Variants in AP2A2 observed in about 807,000 individuals in gnomAD.
The protein encoded by AP2A2 is AP-2 complex subunit alpha-2.
A neutral mutation model predicts 104.2 loss-of-function variants in AP2A2; 32 were observed. The observed-to-expected ratio is 0.31, with a 90% CI of 0.23 to 0.41. AP2A2 has a LOEUF of 0.41. AP2A2 is among the 10% of genes least tolerant of loss of function. The probability of loss-of-function intolerance (pLI) is 1.00; values close to 1 mark genes in which losing one functional copy is unlikely to be tolerated. For missense variants in AP2A2, 912 were observed against 1,261.0 expected (o/e 0.72, Z 4.19); for synonymous variants, 539 against 533.3 (o/e 1.01, Z -0.15).
chr11:1,002,314 C>T (rs1423206382), intron 15 of AP2A2, among the ~76,000 whole-genome samples: 3 of 152,236 alleles, frequency 2.0e-5, no homozygotes, highest in African/African-American at 4.8e-5. Flanking sequence ...CCGCCTCGGC[C>T]GGCTCCTCCT....
At position 977,241 on chromosome 11, in the gene AP2A2, T is replaced by G. The variant is rs1348771584; in HGVS notation, c.603+17T>G. 1.3e-6 allele frequency: 2 copies of G among 1,570,120 alleles called. No homozygotes were observed. Among genetic ancestry groups the G allele is most frequent in the Admixed American group, 1.8e-5 (1 of 56,726 alleles). On this transcript the variant is annotated intron_variant, in intron 5 of 21. Coordinates refer to ENST00000448903, the MANE Select transcript of AP2A2 (RefSeq NM_012305.4). Reference sequence around the variant, plus strand: ...CAGCACTTGGTAAGCACCCTTGGCTTTGGTTCTCCCCGCTCCCCCAGGTGA... The same window carrying G: ...CAGCACTTGGTAAGCACCCTTGGCTGTGGTTCTCCCCGCTCCCCCAGGTGA...
intron 2 of AP2A2, among the ~76,000 whole-genome samples, chr11:965,693 G>A (rs759420625): frequency 6.6e-6 from 1 of 152,230 alleles, no homozygotes; most frequent in Non-Finnish European, 1.5e-5. Context: ...CTGACCTGCA[G>A]ACGCATGGGC....
At chr11:958,405 A>G (rs1234709214) in intron 1 of AP2A2, among the ~76,000 whole-genome samples, 3 of 152,196 alleles carry the variant, frequency 2.0e-5, no homozygotes, top group Non-Finnish European at 2.9e-5. Flanking sequence ...ACATTCCATC[A>G]TTTTATGACC....
intron 4 of AP2A2, 28 bp downstream of exon 4, chr11:972,283 T>G: frequency 6.5e-7 from 1 of 1,539,642 alleles, no homozygotes; most frequent in African/African-American, 1.4e-5. Context: ...GCCGGGCTCC[T>G]GCTGAAGATG....
rs1459154498 is a variant in AP2A2 at position 968,490 on chromosome 11, G to A, written c.137-1679G>A. Among the ~76,000 whole-genome samples, 1 of 152,144 alleles carries A rather than the reference G, an allele frequency of 6.6e-6. No individual in the cohort carries two copies. The highest frequency in any genetic ancestry group is 1.5e-5 in the Non-Finnish European group (1 of 68,034). ...TGTCCCACAAAACTCAGCCCAGTCGGGCCGCTGGTCCTCTCCCCTGTCAGT... is the reference window on the plus strand; with the variant it reads ...TGTCCCACAAAACTCAGCCCAGTCGAGCCGCTGGTCCTCTCCCCTGTCAGT... On this transcript the variant is annotated intron_variant, in intron 2 of 21. Coordinates refer to ENST00000448903, the MANE Select transcript of AP2A2 (RefSeq NM_012305.4). The surrounding 1 kb of genome is among the most constrained non-coding windows in gnomAD (Gnocchi z 4.2).
At chr11:951,394 G>T (rs1282496632) in intron 1 of AP2A2, among the ~76,000 whole-genome samples, 2 of 152,074 alleles carry the variant, frequency 1.3e-5, no homozygotes, top group African/African-American at 4.8e-5. Flanking sequence ...GGGCGTAGTG[G>T]CAGGCGCCTG....
At chr11:1,008,458 A>G in intron 18 of AP2A2, 1 of 312,392 alleles carries the variant, frequency 3.2e-6, no homozygotes, top group Non-Finnish European at 5.9e-6. Context: ...GCTTGGTACC[A>G]GACGACAGCT....
At chr11:1,006,792 A>G (rs1856223002) in intron 17 of AP2A2, 175 bp downstream of exon 17, 1 of 587,372 alleles carries the variant, frequency 1.7e-6, no homozygotes, top group African/African-American at 1.9e-5. Flanking sequence ...GAGAAGGAAA[A>G]CAGGCAGTCT....
intron 6 of AP2A2, among the ~76,000 whole-genome samples, chr11:984,332 A>G (rs1211223731): frequency 6.6e-6 from 1 of 152,090 alleles, no homozygotes; most frequent in Admixed American, 6.6e-5. Flanking sequence ...TGAGGAGGCT[A>G]AAGCTCTCTC....
At chr11:989,932 TG>T (rs1409370328) in intron 10 of AP2A2, among the ~76,000 whole-genome samples, 1 of 152,180 alleles carries the variant, frequency 6.6e-6, no homozygotes, top group East Asian at 1.9e-4. Flanking sequence ...TTGGGCGAAG[TG>T]CGGCTCAAGG....
intron 1 of AP2A2, among the ~76,000 whole-genome samples, chr11:952,911 G>T (rs1478061209): frequency 6.6e-6 from 1 of 152,222 alleles, no homozygotes; most frequent in South Asian, 2.1e-4. Flanking sequence ...ATGGAGATCA[G>T]TGCAGTGTCA....
At chr11:1,003,560 G>A (rs1311621940) in intron 15 of AP2A2, 162 bp from the exon 16 acceptor site, 2 of 511,336 alleles carry the variant, frequency 3.9e-6, no homozygotes, top group Non-Finnish European at 3.5e-6. Context: ...TCCAGTGGCT[G>A]TTTGTCAGGA....
rs1414835753 is a variant in AP2A2 at position 993,609 on chromosome 11, G to A, written c.1551-145G>A. 7.5e-6 allele frequency: 5 copies of A among 665,256 alleles called. No individual in the cohort carries two copies. Among genetic ancestry groups the A allele is most frequent in the Non-Finnish European group, 1.0e-5 (4 of 396,232 alleles). 41.2% of individuals were successfully genotyped at this position (665,256 alleles called of 1,614,324 possible). The stretch of plus-strand genomic sequence containing the variant: ...GACTTAGTGAAAGGGGCGTCTTTGC[G>A]GTGGGATCTGGAGCTGGAAGAGGGT... On this transcript the variant is annotated intron_variant, in intron 12 of 21. Coordinates refer to ENST00000448903, the MANE Select transcript of AP2A2 (RefSeq NM_012305.4). The surrounding 1 kb of genome is among the most constrained non-coding windows in gnomAD (Gnocchi z 8.2).
At chr11:982,778 G>A (rs1181236107) in intron 6 of AP2A2, among the ~76,000 whole-genome samples, 1 of 151,480 alleles carries the variant, frequency 6.6e-6, no homozygotes, top group Non-Finnish European at 1.5e-5. Context: ...AGCCTCCCGA[G>A]TAGCTGGGAT....
chr11:938,798 C>T (rs1853550778), intron 1 of AP2A2, among the ~76,000 whole-genome samples: 1 of 152,080 alleles, frequency 6.6e-6, no homozygotes, highest in Non-Finnish European at 1.5e-5. Context: ...TTTTTACAGA[C>T]TCCTTCTGTG....
At chr11:939,893 A>T (rs1054788329) in intron 1 of AP2A2, among the ~76,000 whole-genome samples, 2 of 151,054 alleles carry the variant, frequency 1.3e-5, no homozygotes, top group Non-Finnish European at 2.9e-5. Flanking sequence ...TAACAGTTCA[A>T]CTTTTGGGTC....
rs560036913 is a variant in AP2A2 at position 983,894 on chromosome 11, G to C, written c.706-751G>C. The stretch of plus-strand genomic sequence containing the variant: ...CTTTGTGTTTGTGCCTTTCAGCCTT[G>C]TCTTTGACAGCCTAGAGCTTGCCTC... On this transcript the variant is annotated intron_variant, in intron 6 of 21. Transcript: ENST00000448903. Among the ~76,000 whole-genome samples, 19 of 152,274 alleles carry C rather than the reference G, an allele frequency of 1.2e-4. No individual in the cohort carries two copies. In the South Asian group the frequency reaches 3.7e-3, roughly 30 times the overall value.
chr11:969,826 C>T (rs1407763019), intron 2 of AP2A2, among the ~76,000 whole-genome samples: 3 of 152,220 alleles, frequency 2.0e-5, no homozygotes, highest in African/African-American at 7.2e-5. Flanking sequence ...TCCATCACAG[C>T]AGGGCCCTCT....
In AP2A2 at chr11:959,494, C is replaced by A. The variant is rs1854356466; in HGVS notation, c.125C>A (p.Ser42Ter). Residue 42 changes from serine to a stop codon, truncating the protein, a stop_gained, in exon 2 of 22, where the codon TCA becomes TAA. Coordinates refer to ENST00000448903, the MANE Select transcript of AP2A2 (RefSeq NM_012305.4). LOFTEE classifies it high-confidence loss of function. ...AACAAGGAACTGGCAAATATCAGAT[C>A]AAAATTTAAAGGTAAGTATGTTTAA... Reference protein sequence around the residue: ...RINKELANIRSKFKGDKALDG... With the variant: ...RINKELANIR 1 of 1,550,924 alleles carries A rather than the reference C, an allele frequency of 6.4e-7. No individual in the cohort carries two copies. The highest frequency in any genetic ancestry group is 8.9e-7 in the Non-Finnish European group (1 of 1,126,860).
Sources: gnomAD v4.1 joint callset for allele counts (sites outside exome capture counted in the v4.1 genomes callset) on GRCh38, gnomAD v4.1.1 for gene constraint, Gnocchi (gnomAD v3.1) non-coding constraint, MANE v1.5 for transcripts, NCBI Gene and HGNC (gene_info 2026-07-23, HGNC 2026-07-21) for gene names.